VIT: variants seen among roughly 807,000 people sequenced by gnomAD.
The protein encoded by VIT is vitrin.
A neutral mutation model predicts 78.0 loss-of-function variants in VIT; 99 were observed. The observed-to-expected ratio is 1.27, with a 90% confidence interval of 1.08 to 1.50. VIT has a LOEUF of 1.50. VIT is among the 40% of genes most tolerant of loss of function. The probability of loss-of-function intolerance (pLI) is 0.00; values close to 1 mark genes in which losing one functional copy is unlikely to be tolerated. For missense variants in VIT, 1,126 were observed against 875.3 expected, an observed-to-expected ratio of 1.29 and a Z score of -3.61; for synonymous variants, 374 against 334.3, an observed-to-expected ratio of 1.12 and a Z score of -1.29.
intron 12 of VIT, among the ~76,000 whole-genome samples, chr2:36,797,381 G>C (rs1473773617): frequency 6.6e-6 from 1 of 152,208 alleles, no homozygotes; most frequent in African/African-American, 2.4e-5. Context: ...TCAGGAAAGA[G>C]ATGAAAGCCC....
intron 4 of VIT, among the ~76,000 whole-genome samples, chr2:36,746,587 A>G (rs1408989524): frequency 6.6e-6 from 1 of 152,156 alleles, no homozygotes; most frequent in Non-Finnish European, 1.5e-5. Context: ...TTGTGTGCAC[A>G]GAAGTCTTCA....
At chr2:36,755,163 C>G in intron 5 of VIT, 109 bp downstream of exon 5, 1 of 1,237,068 alleles carries the variant, frequency 8.1e-7, no homozygotes, top group Non-Finnish European at 1.1e-6. Context: ...TCATAAAAAT[C>G]TGAAGCATTC....
At position 36,801,392 on chromosome 2, in the gene VIT, C is replaced by A; in HGVS notation, c.1150C>A (p.Leu384Ile). Reference sequence around the variant, plus strand: ...AGAGAAAATTACTCAGAGAGGAGGACTTTCTAATGTAGGTATGTGATCCGG... The same window carrying A: ...AGAGAAAATTACTCAGAGAGGAGGAATTTCTAATGTAGGTATGTGATCCGG... ...AIEKITQRGGLSNVGRAISFV... is the reference protein window; with the variant it reads ...AIEKITQRGGISNVGRAISFV... Residue 384 changes from leucine to isoleucine, a missense_variant, in exon 13 of 16, where the codon CTT becomes ATT. Coordinates refer to ENST00000379242, the MANE Select transcript of VIT (RefSeq NM_053276.4). 3.1e-6 allele frequency: 5 copies of A among 1,611,528 alleles called. No individual in the cohort carries two copies. Among genetic ancestry groups the A allele is most frequent in the Non-Finnish European group, 4.2e-6 (5 of 1,177,868 alleles).
At chr2:36,803,003 A>C (rs149260223) in intron 13 of VIT, among the ~76,000 whole-genome samples, 1 of 152,348 alleles carries the variant, frequency 6.6e-6, no homozygotes, top group Admixed American at 6.5e-5. Context: ...TCACTTTCTG[A>C]ATTTTGCCAT....
At chr2:36,766,167 A>G (rs1669416583) in intron 6 of VIT, among the ~76,000 whole-genome samples, 1 of 152,254 alleles carries the variant, frequency 6.6e-6, no homozygotes, top group East Asian at 1.9e-4. Context: ...TAGGGAGCCA[A>G]CTACAGCGGT....
Position 36,729,502 on chromosome 2 carries a change from TCA to T in VIT, c.118+14_118+15del, listed in dbSNP as rs1558520800. ...AAAGGCCCAAGTTCAGTAAGTAAAA[TCA>T]CAATTCCTTGCTGGCATAATGCTTG... On this transcript the variant is annotated intron_variant, in intron 3 of 15. Coordinates refer to ENST00000379242, the MANE Select transcript of VIT (RefSeq NM_053276.4). The T allele has an allele frequency of 6.2e-7, 1 of 1,607,702 alleles. No homozygotes were observed.
chr2:36,774,875 G>A, intron 8 of VIT, 127 bp from the exon 9 acceptor site: 2 of 1,495,896 alleles, frequency 1.3e-6, no homozygotes, highest in South Asian at 1.3e-5. Flanking sequence ...GTACAACCAG[G>A]CACAGAGAGC....
chr2:36,734,481 C>G (rs1667388984), intron 3 of VIT, among the ~76,000 whole-genome samples: 1 of 152,102 alleles, frequency 6.6e-6, no homozygotes, highest in South Asian at 2.1e-4. Context: ...TCCTCTCAAG[C>G]TGGGTGGGAC....
intron 5 of VIT, among the ~76,000 whole-genome samples, chr2:36,755,536 A>G (rs1407478116): frequency 2.0e-5 from 3 of 152,128 alleles, no homozygotes; most frequent in Admixed American, 2.0e-4. Context: ...TTCACTGGAT[A>G]TTTTACCATA....
At chr2:36,778,378 G>A (rs1187888899) in intron 9 of VIT, among the ~76,000 whole-genome samples, 18 of 152,114 alleles carry the variant, frequency 1.2e-4, no homozygotes, top group Non-Finnish European at 4.4e-5. Context: ...AGGAGGCAGG[G>A]GTGGTGGGCT....
chr2:36,729,551 T>A, intron 3 of VIT, 60 bp downstream of exon 3: 1 of 1,527,330 alleles, frequency 6.5e-7, no homozygotes, highest in Non-Finnish European at 8.9e-7. Flanking sequence ...TGGAGGGTTA[T>A]TATACTTGTT....
intron 7 of VIT, among the ~76,000 whole-genome samples, chr2:36,772,917 A>C (rs1669844073): frequency 1.3e-5 from 2 of 152,158 alleles, no homozygotes; most frequent in Admixed American, 6.5e-5. Flanking sequence ...TCCCTTCCAA[A>C]GGCTTTGCAT....
chr2:36,792,215 G>A (rs1665551378), intron 12 of VIT, among the ~76,000 whole-genome samples: 1 of 152,130 alleles, frequency 6.6e-6, no homozygotes, highest in African/African-American at 2.4e-5. Flanking sequence ...TCACCTGCCT[G>A]GCCTGATTTT....
chr2:36,719,654 T>C (rs768521757), intron 2 of VIT, among the ~76,000 whole-genome samples: 3 of 152,182 alleles, frequency 2.0e-5, no homozygotes, highest in Non-Finnish European at 4.4e-5. Flanking sequence ...AAAACGTTGA[T>C]GAGGCCAGGC....
chr2:36,724,694 G>A (rs1233195100), intron 2 of VIT, among the ~76,000 whole-genome samples: 1 of 152,180 alleles, frequency 6.6e-6, no homozygotes, highest in African/African-American at 2.4e-5. Context: ...AATTACTGCT[G>A]TTCAACTGAA....
rs749561413 is a variant in VIT, at chr2:36,767,220, C to G, written c.614C>G (p.Pro205Arg). The change falls in exon 7 of 16, where the codon CCT becomes CGT. Residue 205 changes from proline (P) to arginine (R), a missense_variant. Pro to Arg is a moderately radical substitution (Grantham distance 103, BLOSUM62 -2). Coordinates refer to ENST00000379242, the MANE Select transcript of VIT (RefSeq NM_053276.4). ...ATPTTLPRPS[P>R]SAASTTSIPR... is the part of the protein sequence containing the mutation. Reference sequence around the variant, plus strand: ...CCCACCACCTTGCCAAGGCCATCCCCTTCTGCTGCTTCTACCACCAGCATC... The same window carrying G: ...CCCACCACCTTGCCAAGGCCATCCCGTTCTGCTGCTTCTACCACCAGCATC... 6 of 1,605,542 alleles carry G rather than the reference C, an allele frequency of 3.7e-6. No individual in the cohort carries two copies. The Admixed American group carries it at 8.6e-5, about 23-fold the overall frequency.
intron 2 of VIT, among the ~76,000 whole-genome samples, chr2:36,721,725 ATCATT>A (rs145629478): frequency 0.035 from 5,368 of 152,112 alleles, 319 homozygotes; most frequent in East Asian, 0.26. Context: ...TGGGGAATGC[ATCATT>A]TCTCACCTAC....
At chr2:36,744,802 C>CAAA (rs1459361836) in intron 4 of VIT, among the ~76,000 whole-genome samples, 1 of 152,016 alleles carries the variant, frequency 6.6e-6, no homozygotes, top group Non-Finnish European at 1.5e-5. Context: ...TTTTGCTGTG[C>CAAA]AGAGCTCTTT....
intron 9 of VIT, 70 bp downstream of exon 9, chr2:36,775,137 A>G (rs1401977759): frequency 6.4e-7 from 1 of 1,558,414 alleles, no homozygotes; most frequent in South Asian, 1.2e-5. Context: ...AAACATGAGG[A>G]CCTCCCCACA....
Sources: allele counts gnomAD v4.1 joint callset (sites outside exome capture counted in the v4.1 genomes callset), GRCh38; gene constraint gnomAD v4.1.1; transcripts MANE v1.5; gene names NCBI Gene and HGNC (gene_info 2026-07-23, HGNC 2026-07-21).